ANKRD17: variants seen among roughly 807,000 people sequenced by gnomAD.
ANKRD17 encodes the protein ankyrin repeat domain 17, also known as ankyrin repeat domain-containing protein 17.
A neutral mutation model predicts 229.7 loss-of-function variants in ANKRD17; 19 were observed. The ratio of observed to expected loss-of-function variants is 0.08; its 90% CI spans 0.06 to 0.12. The LOEUF (loss-of-function observed/expected upper bound fraction) is 0.12. Among genes scored for constraint, ANKRD17 ranks in the 10% least tolerant of loss-of-function variants. The pLI is 1.00. For missense variants in ANKRD17, 2,176 were observed against 3,176.8 expected, an observed-to-expected ratio of 0.68 and a Z score of 7.57; for synonymous variants, 1,112 against 1,146.1, an observed-to-expected ratio of 0.97 and a Z score of 0.60.
chr4:73,090,316 A>C (rs1454251106), intron 29 of ANKRD17, among the ~76,000 whole-genome samples: 1 of 152,144 alleles, frequency 6.6e-6, no homozygotes, highest in Non-Finnish European at 1.5e-5. Context: ...AGGCTGAGGC[A>C]GGAGAATCAC....
chr4:73,181,654 G>A (rs368986086), intron 1 of ANKRD17, among the ~76,000 whole-genome samples: 38 of 151,986 alleles, frequency 2.5e-4, no homozygotes, highest in African/African-American at 8.4e-4. Flanking sequence ...GAAACCTATC[G>A]CATTTTTATT....
chr4:73,165,555 A>G (rs1560633350), intron 2 of ANKRD17, among the ~76,000 whole-genome samples: 1 of 152,194 alleles, frequency 6.6e-6, no homozygotes, highest in Non-Finnish European at 1.5e-5. Flanking sequence ...AAATGATCCT[A>G]AGGTTACCCG....
intron 1 of ANKRD17, among the ~76,000 whole-genome samples, chr4:73,192,581 C>T (rs1021663001): frequency 7.9e-5 from 12 of 152,050 alleles, no homozygotes; most frequent in African/African-American, 2.4e-4. Flanking sequence ...AGTTTTCTAC[C>T]GTGATTTTTA....
At chr4:73,246,013 G>A (rs1172420185) in intron 1 of ANKRD17, among the ~76,000 whole-genome samples, 1 of 152,170 alleles carries the variant, frequency 6.6e-6, no homozygotes, top group African/African-American at 2.4e-5. Flanking sequence ...GGCTACAAAA[G>A]TTGTACACTT....
intron 1 of ANKRD17, among the ~76,000 whole-genome samples, chr4:73,193,945 A>C (rs1431611937): frequency 1.3e-5 from 2 of 152,116 alleles, no homozygotes; most frequent in African/African-American, 4.8e-5. Flanking sequence ...AACAACAACA[A>C]AAAAATCATC....
rs150581992 is a variant in ANKRD17, at chr4:73,134,819, TAGA to T, written c.3234+295_3234+297del. 1.6e-3 allele frequency among the ~76,000 whole-genome samples: 249 copies of T among 152,300 alleles called. 1 individual carries two copies. The highest frequency in any genetic ancestry group is 5.0e-3 in the African/African-American group (208 of 41,572). Reference sequence around the variant, plus strand: ...ACCATATCTTCTATTAATTTATTATTAGAAGAAGTTATGCACTAATCTTAAATA... The same window carrying T: ...ACCATATCTTCTATTAATTTATTATTAGAAGTTATGCACTAATCTTAAATA... On this transcript the variant is annotated intron_variant, in intron 16 of 33. Transcript: ENST00000358602.
intron 1 of ANKRD17, among the ~76,000 whole-genome samples, chr4:73,214,790 G>A (rs1740782208): frequency 1.4e-5 from 2 of 147,754 alleles, no homozygotes; most frequent in South Asian, 4.2e-4. Context: ...AAACAGGACT[G>A]CTTGAAGCCA....
At chr4:73,125,732 C>CAAAA (rs56986647) in intron 16 of ANKRD17, among the ~76,000 whole-genome samples, 3 of 68,116 alleles carry the variant, frequency 4.4e-5, no homozygotes, top group African/African-American at 1.2e-4. Context: ...GACTCCGTCT[C>CAAAA]AAAAAAAAAA....
At chr4:73,151,909 T>G (rs546228765) in intron 6 of ANKRD17, among the ~76,000 whole-genome samples, 118 of 152,320 alleles carry the variant, frequency 7.7e-4, no homozygotes, top group African/African-American at 2.7e-3. Context: ...AGTCAAGTTA[T>G]TTCTGTGAGA....
chr4:73,213,198 A>G (rs562161237), intron 1 of ANKRD17, among the ~76,000 whole-genome samples: 1 of 152,282 alleles, frequency 6.6e-6, no homozygotes, highest in Admixed American at 6.5e-5. Flanking sequence ...CAAATGCTGA[A>G]CATATGACAA....
chr4:73,245,202 T>C (rs370818305), intron 1 of ANKRD17, among the ~76,000 whole-genome samples: 1 of 139,634 alleles, frequency 7.2e-6, no homozygotes, highest in Non-Finnish European at 1.6e-5. Flanking sequence ...GAGTGTTGCT[T>C]TTCCACCTGT....
chr4:73,142,573 A>T, intron 12 of ANKRD17, 67 bp downstream of exon 12: 1 of 1,610,214 alleles, frequency 6.2e-7, no homozygotes, highest in Non-Finnish European at 8.5e-7. Context: ...TGTACATGAT[A>T]TGTTGTAACA....
chr4:73,206,429 A>C (rs796877242), intron 1 of ANKRD17, among the ~76,000 whole-genome samples: 4,993 of 114,340 alleles, frequency 0.044, 83 homozygotes, highest in Non-Finnish European at 0.054. Flanking sequence ...AGAAAGTGAG[A>C]GAGAGAGAGA....
In ANKRD17 at chr4:73,135,159, T is replaced by G. The variant is rs763625608; in HGVS notation, c.3192A>C (p.Ser1064=). The G allele has an allele frequency of 3.1e-6, 5 of 1,613,826 alleles. No individual in the cohort carries two copies. The South Asian group carries it at 3.3e-5, about 11-fold the overall frequency. Residue 1064 remains serine, a synonymous_variant, in exon 16 of 34, where the codon TCA becomes TCC. Coordinates refer to ENST00000358602, the MANE Select transcript of ANKRD17 (RefSeq NM_032217.5). ...TPTPSPIISP[S]AMLPIYPAID... ...TGGCAGGGTAGATAGGAAGCATGGC[T>G]GAAGGAGAGATGATAGGACTTGGAG...
intron 1 of ANKRD17, among the ~76,000 whole-genome samples, chr4:73,197,096 CAATCACTCTAAAATG>C (rs1737990317): frequency 6.6e-6 from 1 of 152,134 alleles, no homozygotes; most frequent in Non-Finnish European, 1.5e-5. Context: ...AACTCCCTAC[CAATCACTCTAAAATG>C]AGCAGCTCTG....
intron 24 of ANKRD17, among the ~76,000 whole-genome samples, chr4:73,111,284 G>C (rs1004624627): frequency 6.6e-6 from 1 of 151,996 alleles, no homozygotes; most frequent in South Asian, 2.1e-4. Flanking sequence ...TTGCACTTTG[G>C]GGCCATTATT....
At chr4:73,084,947 GCAGGAAGACTGCTTCAGCC>G (rs1436149541) in intron 30 of ANKRD17, among the ~76,000 whole-genome samples, 3 of 152,074 alleles carry the variant, frequency 2.0e-5, no homozygotes, top group Non-Finnish European at 4.4e-5. Flanking sequence ...TCTTTGGAAG[GCAGGAAGACTGCTTCAGCC>G]CAGGAGTTTG....
At chr4:73,224,694 G>A (rs562573740) in intron 1 of ANKRD17, among the ~76,000 whole-genome samples, 101 of 152,150 alleles carry the variant, frequency 6.6e-4, no homozygotes, top group African/African-American at 2.3e-3. Context: ...AATTTTCACA[G>A]TAATCCTAAA....
At chr4:73,226,032 C>A (rs113154316) in intron 1 of ANKRD17, among the ~76,000 whole-genome samples, 3 of 129,962 alleles carry the variant, frequency 2.3e-5, no homozygotes, top group Admixed American at 8.4e-5. Context: ...TTGGAGTGCA[C>A]TGGCACAATC....
Sources: allele counts gnomAD v4.1 joint callset (sites outside exome capture counted in the v4.1 genomes callset), GRCh38; gene constraint gnomAD v4.1.1; transcripts MANE v1.5; gene names NCBI Gene and HGNC (gene_info 2026-07-23, HGNC 2026-07-21).